NOVA1: variants seen among roughly 807,000 people sequenced by gnomAD.
NOVA1 encodes RNA-binding protein Nova-1.
In NOVA1, 7 loss-of-function variants were observed where a neutral mutation model predicts 38.0. That is an observed-to-expected ratio of 0.18 (90% CI 0.10 to 0.35). The LOEUF (loss-of-function observed/expected upper bound fraction) is 0.35, where lower values mean the gene tolerates loss of function less well. Ranked by LOEUF, NOVA1 falls within the 10% of genes least tolerant of loss-of-function variation. The pLI is 1.00. For missense variants in NOVA1, 460 were observed against 616.0 expected, an observed-to-expected ratio of 0.75 and a Z score of 2.68; for synonymous variants, 270 against 232.5, an observed-to-expected ratio of 1.16 and a Z score of -1.47.
Position 26,443,710 on chromosome 14 carries a change from G to A in NOVA1, c.*4249C>T, listed in dbSNP as rs969545611. 2.6e-5 allele frequency: 4 copies of A among 151,880 alleles called. No individual in the cohort carries two copies. Among genetic ancestry groups the A allele is most frequent in the Non-Finnish European group, 5.9e-5 (4 of 67,756 alleles). The allele number at this position is 151,880 out of a possible 1,614,324, so 9.4% of individuals were successfully genotyped here. ...AACAATATTATGTATTCATGTTTAT[G>A]AGAAACCAAGCAGAAGGCAAAATGA... On this transcript the variant is annotated 3_prime_UTR_variant, in exon 5 of 5. Coordinates refer to ENST00000539517, the MANE Select transcript of NOVA1 (RefSeq NM_002515.3).
chr14:26,531,400 G>C (rs1263597738), intron 2 of NOVA1, among the ~76,000 whole-genome samples: 2 of 152,150 alleles, frequency 1.3e-5, no homozygotes, highest in Non-Finnish European at 2.9e-5. Flanking sequence ...CTGAGGTCGG[G>C]AGTTTGAGAT....
At chr14:26,503,526 C>T (rs977518228) in intron 2 of NOVA1, among the ~76,000 whole-genome samples, 1 of 152,026 alleles carries the variant, frequency 6.6e-6, no homozygotes, top group Non-Finnish European at 1.5e-5. Flanking sequence ...GGAATGGATA[C>T]TCTAGTACAA....
chr14:26,543,301 A>G (rs1405672785), intron 2 of NOVA1, among the ~76,000 whole-genome samples: 1 of 152,050 alleles, frequency 6.6e-6, no homozygotes, highest in Non-Finnish European at 1.5e-5. Context: ...AGTATTAATT[A>G]CTTAACAATT....
At chr14:26,522,574 A>G (rs1888973535) in intron 2 of NOVA1, among the ~76,000 whole-genome samples, 1 of 152,116 alleles carries the variant, frequency 6.6e-6, no homozygotes, top group African/African-American at 2.4e-5. Flanking sequence ...AATGTGGGTT[A>G]GAGTCAGATT....
In NOVA1 at chr14:26,595,608, C is replaced by A. The variant is rs1016826318; in HGVS notation, c.137-55G>T. The stretch of plus-strand genomic sequence containing the variant: ...AACACAGTATTTCAAACTTTGTATC[C>A]CCTCTCCACCCTCAAGAGAGAAAAA... On this transcript the variant is annotated intron_variant, in intron 1 of 4. Coordinates refer to ENST00000539517, the MANE Select transcript of NOVA1 (RefSeq NM_002515.3). The A allele has an allele frequency of 2.0e-6, 3 of 1,499,428 alleles. No homozygotes were observed. The African/African-American group carries it at 4.2e-5, about 21-fold the overall frequency. The allele number at this position is 1,499,428 out of a possible 1,614,324, so 92.9% of individuals were successfully genotyped here.
intron 2 of NOVA1, among the ~76,000 whole-genome samples, chr14:26,553,974 C>T (rs1371355396): frequency 1.1e-5 from 1 of 91,910 alleles, no homozygotes; most frequent in South Asian, 5.2e-4. Flanking sequence ...GGTGAAACCC[C>T]GTTTCTACTA....
chr14:26,506,588 T>G (rs1887652856), intron 2 of NOVA1, among the ~76,000 whole-genome samples: 1 of 151,996 alleles, frequency 6.6e-6, no homozygotes, highest in Non-Finnish European at 1.5e-5. Flanking sequence ...CAACTGTTCT[T>G]TTTTTTTGAG....
chr14:26,561,592 G>C (rs996604619), intron 2 of NOVA1, among the ~76,000 whole-genome samples: 6 of 152,010 alleles, frequency 3.9e-5, no homozygotes, highest in African/African-American at 1.4e-4. Context: ...GAGAAGAATA[G>C]AAAAATTACA....
intron 2 of NOVA1, among the ~76,000 whole-genome samples, chr14:26,573,536 T>C (rs1566549338): frequency 6.6e-6 from 1 of 151,762 alleles, no homozygotes; most frequent in Non-Finnish European, 1.5e-5. Flanking sequence ...AAGAATGAGA[T>C]AAGAATCTGA....
intron 3 of NOVA1, among the ~76,000 whole-genome samples, chr14:26,474,441 C>T (rs529324086): frequency 6.6e-6 from 1 of 152,022 alleles, no homozygotes; most frequent in South Asian, 2.1e-4. Context: ...AATTTAATAT[C>T]GAATGGCTCA....
intron 2 of NOVA1, among the ~76,000 whole-genome samples, chr14:26,525,664 G>A (rs1166043717): frequency 6.6e-6 from 1 of 151,978 alleles, no homozygotes; most frequent in African/African-American, 2.4e-5. Context: ...TTTATTAGTG[G>A]ATGAATAGCC....
chr14:26,470,459 T>C (rs780075238), intron 4 of NOVA1: 1 of 1,559,796 alleles, frequency 6.4e-7, no homozygotes, highest in South Asian at 1.1e-5. Flanking sequence ...CTCTTATATC[T>C]TGCTTCATGA....
chr14:26,451,740 A>G (rs1882702705), intron 4 of NOVA1, among the ~76,000 whole-genome samples: 1 of 152,226 alleles, frequency 6.6e-6, no homozygotes, highest in African/African-American at 2.4e-5. Context: ...TTCCAAAAAT[A>G]TCCATATTTT....
At chr14:26,449,221 C>T (rs1882407478) in intron 4 of NOVA1, among the ~76,000 whole-genome samples, 1 of 151,976 alleles carries the variant, frequency 6.6e-6, no homozygotes, top group Non-Finnish European at 1.5e-5. Flanking sequence ...GTGAATTTTG[C>T]AACAGAATTT....
intron 3 of NOVA1, among the ~76,000 whole-genome samples, chr14:26,473,475 A>C (rs1299614336): frequency 3.3e-5 from 5 of 151,992 alleles, no homozygotes; most frequent in Non-Finnish European, 4.4e-5. Context: ...TCTATTTGTC[A>C]AAATTACTCA....
intron 2 of NOVA1, among the ~76,000 whole-genome samples, chr14:26,539,953 T>C (rs73601937): frequency 0.012 from 1,776 of 152,298 alleles, 17 homozygotes; most frequent in African/African-American, 0.04. Context: ...TAGGAGGCCA[T>C]TGTGTCCTCT....
intron 2 of NOVA1, among the ~76,000 whole-genome samples, chr14:26,523,677 T>C (rs951067202): frequency 6.6e-6 from 1 of 152,112 alleles, no homozygotes; most frequent in African/African-American, 2.4e-5. Context: ...GAAATTTGAA[T>C]TGCATATAAT....
At chr14:26,529,982 C>T (rs1240291165) in intron 2 of NOVA1, among the ~76,000 whole-genome samples, 5 of 152,060 alleles carry the variant, frequency 3.3e-5, no homozygotes, top group Admixed American at 6.6e-5. Flanking sequence ...AGCAGTGGCG[C>T]GATCTCGGCT....
chr14:26,487,982 G>A (rs906861257), intron 2 of NOVA1, among the ~76,000 whole-genome samples: 6 of 151,984 alleles, frequency 3.9e-5, no homozygotes, highest in Non-Finnish European at 7.4e-5. Context: ...GTACAGTTAC[G>A]CACATTTGAT....
Sources: allele counts gnomAD v4.1 joint callset (sites outside exome capture counted in the v4.1 genomes callset), GRCh38; gene constraint gnomAD v4.1.1; transcripts MANE v1.5; gene names NCBI Gene and HGNC (gene_info 2026-07-23, HGNC 2026-07-21).